ZNF804B: variants seen among roughly 807,000 people sequenced by gnomAD.
ZNF804B encodes zinc finger protein 804B, also known as zinc finger 804B.
Under a neutral mutation model 101.4 loss-of-function variants are expected in ZNF804B, and 80 were observed. The ratio of observed to expected loss-of-function variants is 0.79; its 90% confidence interval spans 0.66 to 0.95. ZNF804B has a LOEUF of 0.95. Ranked by LOEUF, ZNF804B falls within the 40% of genes least tolerant of loss-of-function variation. The pLI is 0.00. For synonymous variants in ZNF804B, 622 were observed against 558.8 expected, an observed-to-expected ratio of 1.11 and a Z score of -1.59; for missense variants, 1,673 against 1,561.9, an observed-to-expected ratio of 1.07 and a Z score of -1.20.
chr7:89,266,876 T>TAA (rs201107497), intron 2 of ZNF804B, among the ~76,000 whole-genome samples: 2 of 147,762 alleles, frequency 1.4e-5, no homozygotes, highest in African/African-American at 5.1e-5. Context: ...TGTGTCTGTG[T>TAA]TTGTGTGTGT....
At chr7:89,278,715 T>G (rs1180642347) in intron 2 of ZNF804B, among the ~76,000 whole-genome samples, 2 of 149,900 alleles carry the variant, frequency 1.3e-5, no homozygotes, top group Admixed American at 1.3e-4. Flanking sequence ...TCTATATCTC[T>G]GTTTTGGTAC....
At position 89,307,145 on chromosome 7, in the gene ZNF804B, T is replaced by G. The variant is rs537448091; in HGVS notation, c.250-20199T>G. ...CCTCTAATGTTTCCATTAAATTTCT[T>G]TATAAGTAACATTATTTTATTTTTA... On this transcript the variant is annotated intron_variant, in intron 2 of 3. Coordinates refer to ENST00000333190, the MANE Select transcript of ZNF804B (RefSeq NM_181646.5). Among the ~76,000 whole-genome samples the G allele has an allele frequency of 4.6e-5, 7 of 152,120 alleles. No individual in the cohort carries two copies. The East Asian group carries it at 1.3e-3, about 29-fold the overall frequency.
At chr7:88,833,674 A>G (rs984858479) in intron 1 of ZNF804B, among the ~76,000 whole-genome samples, 5 of 151,934 alleles carry the variant, frequency 3.3e-5, no homozygotes, top group African/African-American at 1.2e-4. Flanking sequence ...TTATTAACTT[A>G]ATGGAGAGCC....
intron 1 of ZNF804B, among the ~76,000 whole-genome samples, chr7:88,887,892 A>C (rs1792154802): frequency 6.6e-6 from 1 of 152,178 alleles, no homozygotes; most frequent in Non-Finnish European, 1.5e-5. Context: ...TTATATATGT[A>C]TATTCTTTAA....
chr7:89,316,316 C>G (rs1270779799), intron 2 of ZNF804B, among the ~76,000 whole-genome samples: 2 of 152,020 alleles, frequency 1.3e-5, no homozygotes, highest in Admixed American at 1.3e-4. Context: ...ATCTCTGACC[C>G]TCATCATCCT....
intron 1 of ZNF804B, among the ~76,000 whole-genome samples, chr7:89,110,802 G>A (rs1790204464): frequency 6.6e-6 from 1 of 152,072 alleles, no homozygotes; most frequent in Admixed American, 6.6e-5. Flanking sequence ...AATATAATAT[G>A]TGAACCATTA....
intron 2 of ZNF804B, among the ~76,000 whole-genome samples, chr7:89,276,784 A>G (rs1789987752): frequency 6.6e-6 from 1 of 151,900 alleles, no homozygotes; most frequent in South Asian, 2.1e-4. Context: ...TGTCAACTAT[A>G]TCATTTTAAA....
chr7:89,103,058 T>G (rs866145651), intron 1 of ZNF804B, among the ~76,000 whole-genome samples: 8 of 120,492 alleles, frequency 6.6e-5, no homozygotes, highest in East Asian at 4.6e-4. Flanking sequence ...GTTTTTTTTT[T>G]TTTTTTTTTT....
rs934763691 is a variant in ZNF804B, at chr7:89,079,283, C to G, written c.109-138872C>G. Among the ~76,000 whole-genome samples the G allele has an allele frequency of 3.3e-5, 5 of 151,820 alleles. No homozygotes were observed. The East Asian group carries it at 9.6e-4, about 29-fold the overall frequency. ...TTACATGGTCATTTTTTTTTCTACC[C>G]AGGGGCAGCCTCTAGGCTAAATGTT... On this transcript the variant is annotated intron_variant, in intron 1 of 3. Transcript: ENST00000333190.
intron 1 of ZNF804B, among the ~76,000 whole-genome samples, chr7:88,761,741 G>A (rs1008989319): frequency 1.3e-5 from 2 of 152,176 alleles, no homozygotes; most frequent in Non-Finnish European, 2.9e-5. Flanking sequence ...TGTGCCTTAA[G>A]ACTTCTCAGT....
chr7:89,101,432 CG>C (rs1467793488), intron 1 of ZNF804B, among the ~76,000 whole-genome samples: 1 of 151,808 alleles, frequency 6.6e-6, no homozygotes, highest in Non-Finnish European at 1.5e-5. Flanking sequence ...TGAACATAAA[CG>C]GCTACTCCTG....
intron 1 of ZNF804B, among the ~76,000 whole-genome samples, chr7:89,023,054 T>A (rs553722193): frequency 6.6e-6 from 1 of 152,186 alleles, no homozygotes; most frequent in Non-Finnish European, 1.5e-5. Flanking sequence ...AATACCAACA[T>A]ATATAACAAA....
chr7:88,999,561 A>G (rs2116168786), intron 1 of ZNF804B, among the ~76,000 whole-genome samples: 1 of 152,120 alleles, frequency 6.6e-6, no homozygotes, highest in Non-Finnish European at 1.5e-5. Context: ...AGTGCACACA[A>G]AAATTAATTG....
chr7:88,778,667 G>C (rs1235952527), intron 1 of ZNF804B, among the ~76,000 whole-genome samples: 2 of 152,016 alleles, frequency 1.3e-5, no homozygotes, highest in Admixed American at 6.6e-5. Flanking sequence ...ATTAGATTGG[G>C]AAATCTGCTA....
At chr7:89,212,410 C>G (rs1584057985) in intron 1 of ZNF804B, among the ~76,000 whole-genome samples, 1 of 152,026 alleles carries the variant, frequency 6.6e-6, no homozygotes, top group Admixed American at 6.6e-5. Context: ...AGATAAGAAA[C>G]AGAAGTTTGA....
chr7:89,331,678 G>A (rs920105188), intron 3 of ZNF804B, among the ~76,000 whole-genome samples: 5 of 151,418 alleles, frequency 3.3e-5, no homozygotes, highest in African/African-American at 1.2e-4. Context: ...AATCCATATG[G>A]TCATAATTTG....
intron 1 of ZNF804B, among the ~76,000 whole-genome samples, chr7:88,788,120 A>G (rs1790329187): frequency 6.6e-6 from 1 of 152,100 alleles, no homozygotes; most frequent in African/African-American, 2.4e-5. Flanking sequence ...GCATTCATCT[A>G]GTGCATGTGG....
intron 1 of ZNF804B, among the ~76,000 whole-genome samples, chr7:88,769,501 A>G (rs1326390035): frequency 6.6e-6 from 1 of 152,192 alleles, no homozygotes; most frequent in African/African-American, 2.4e-5. Context: ...GAAGACTGGT[A>G]TATATAAATT....
At chr7:89,327,848 T>C (rs1790920268) in intron 3 of ZNF804B, among the ~76,000 whole-genome samples, 1 of 151,962 alleles carries the variant, frequency 6.6e-6, no homozygotes, top group South Asian at 2.1e-4. Context: ...CTTCTGAACA[T>C]TTCCGTGTAC....
Sources: allele counts gnomAD v4.1 joint callset (sites outside exome capture counted in the v4.1 genomes callset), GRCh38; gene constraint gnomAD v4.1.1; transcripts MANE v1.5; gene names NCBI Gene and HGNC (gene_info 2026-07-23, HGNC 2026-07-21).